PTPN14: variants seen among roughly 807,000 people sequenced by gnomAD.
PTPN14 encodes the protein protein tyrosine phosphatase non-receptor type 14.
In PTPN14, 53 loss-of-function variants were observed where a neutral mutation model predicts 126.8. That is an observed-to-expected ratio of 0.42 (90% confidence interval 0.34 to 0.53). PTPN14 has a LOEUF of 0.53. Among genes scored for constraint, PTPN14 ranks in the 20% least tolerant of loss-of-function variants. PTPN14 has a pLI of 0.08. For synonymous variants in PTPN14, 630 were observed against 599.3 expected (o/e 1.05, Z -0.75); for missense variants, 1,257 against 1,552.9 (o/e 0.81, Z 3.20).
intron 1 of PTPN14, among the ~76,000 whole-genome samples, chr1:214,543,512 G>C (rs1655893019): frequency 6.6e-6 from 1 of 152,090 alleles, no homozygotes; most frequent in Non-Finnish European, 1.5e-5. Context: ...TCATTAACAA[G>C]ATGTAATTTT....
At chr1:214,529,874 T>C (rs1342126222) in intron 1 of PTPN14, 1 of 151,890 alleles carries the variant, frequency 6.6e-6, no homozygotes, top group East Asian at 1.9e-4. Context: ...AAAGAGTGTG[T>C]CTCAAAAAAA....
intron 18 of PTPN14, among the ~76,000 whole-genome samples, chr1:214,360,401 G>T (rs946698541): frequency 1.3e-5 from 2 of 152,156 alleles, no homozygotes; most frequent in Non-Finnish European, 2.9e-5. Flanking sequence ...GAAAAAAAAG[G>T]CATGTGAATC....
chr1:214,512,768 T>C (rs1655009379), intron 1 of PTPN14, among the ~76,000 whole-genome samples: 1 of 152,312 alleles, frequency 6.6e-6, no homozygotes, highest in East Asian at 1.9e-4. Flanking sequence ...CTTGGCTCAC[T>C]GCAACCTCTC....
At chr1:214,473,881 T>C (rs1660813443) in intron 1 of PTPN14, among the ~76,000 whole-genome samples, 1 of 152,226 alleles carries the variant, frequency 6.6e-6, no homozygotes, top group South Asian at 2.1e-4. Context: ...ACCCAAATCA[T>C]ATCCATACAT....
At chr1:214,445,055 C>T in intron 3 of PTPN14, among the ~76,000 whole-genome samples, 1 of 152,172 alleles carries the variant, frequency 6.6e-6, no homozygotes, top group East Asian at 1.9e-4. Context: ...TAAGAATGCT[C>T]CATGCAAGCC....
At chr1:214,428,485 A>G (rs1659719593) in intron 3 of PTPN14, among the ~76,000 whole-genome samples, 1 of 152,256 alleles carries the variant, frequency 6.6e-6, no homozygotes, top group Non-Finnish European at 1.5e-5. Flanking sequence ...ATTTTAAAAG[A>G]GGAAGTATCT....
At chr1:214,394,179 C>T (rs1658823045) in intron 9 of PTPN14, among the ~76,000 whole-genome samples, 1 of 152,190 alleles carries the variant, frequency 6.6e-6, no homozygotes, top group Admixed American at 6.5e-5. Context: ...GGAGGTCAGT[C>T]CCTCAGCTAC....
intron 1 of PTPN14, among the ~76,000 whole-genome samples, chr1:214,475,497 C>T (rs1343374398): frequency 6.6e-6 from 1 of 152,210 alleles, no homozygotes; most frequent in Non-Finnish European, 1.5e-5. Context: ...TGAGCTTTGT[C>T]TAGTCACGCC....
At chr1:214,486,872 C>T (rs1661124782) in intron 1 of PTPN14, among the ~76,000 whole-genome samples, 7 of 151,526 alleles carry the variant, frequency 4.6e-5, no homozygotes. Flanking sequence ...CATGGCATAT[C>T]CCATGCTTTA....
chr1:214,367,639 C>T (rs1658113013), intron 17 of PTPN14, among the ~76,000 whole-genome samples: 1 of 152,144 alleles, frequency 6.6e-6, no homozygotes, highest in African/African-American at 2.4e-5. Flanking sequence ...AGAGCAGGCA[C>T]AAGGCTACAG....
At chr1:214,507,252 T>C (rs1222353678) in intron 1 of PTPN14, among the ~76,000 whole-genome samples, 1 of 152,210 alleles carries the variant, frequency 6.6e-6, no homozygotes, top group Admixed American at 6.5e-5. Flanking sequence ...ATCTCTGGCA[T>C]GTTGCAGGGA....
intron 3 of PTPN14, among the ~76,000 whole-genome samples, chr1:214,438,274 T>C (rs6690146): frequency 0.084 from 12,770 of 152,166 alleles, 1,838 homozygotes; most frequent in African/African-American, 0.29. Flanking sequence ...AAGGCCCGCT[T>C]TATCCTGTCT....
In PTPN14 at chr1:214,357,153, A is replaced by C. The variant is rs1335927688; in HGVS notation, c.*769T>G. 1 of 152,300 alleles carries C rather than the reference A, an allele frequency of 6.6e-6. No homozygotes were observed. The highest frequency in any genetic ancestry group is 2.4e-5 in the African/African-American group (1 of 41,444). The allele number at this position is 152,300 out of a possible 1,614,324, so 9.4% of individuals were successfully genotyped here. A position where few individuals can be genotyped will look rare whatever the true frequency, so the allele number is the denominator to read the frequency against. The stretch of plus-strand genomic sequence containing the variant: ...ACCCAAGGTACAGTCGCCAGCAGGG[A>C]AACACAAGCTCCAGAGCCCAGGATA... On this transcript the variant is annotated 3_prime_UTR_variant, in exon 19 of 19. Coordinates refer to ENST00000366956, the MANE Select transcript of PTPN14 (RefSeq NM_005401.5).
intron 1 of PTPN14, among the ~76,000 whole-genome samples, chr1:214,483,737 T>G (rs1661054295): frequency 6.6e-6 from 1 of 152,194 alleles, no homozygotes; most frequent in African/African-American, 2.4e-5. Flanking sequence ...CTTTCTTACT[T>G]TTTCTTTTTA....
chr1:214,385,815 G>A (rs976894874), intron 12 of PTPN14, among the ~76,000 whole-genome samples: 3 of 152,172 alleles, frequency 2.0e-5, no homozygotes, highest in African/African-American at 7.2e-5. Context: ...GGAACACAGA[G>A]ACAAATGTGC....
chr1:214,452,152 G>A (rs747753162), intron 2 of PTPN14, among the ~76,000 whole-genome samples, 178 bp from the exon 3 acceptor site: 1 of 152,208 alleles, frequency 6.6e-6, no homozygotes, highest in Non-Finnish European at 1.5e-5. Flanking sequence ...ACACACTACT[G>A]TAACATACAT....
intron 3 of PTPN14, among the ~76,000 whole-genome samples, chr1:214,446,024 CA>C (rs1660134878): frequency 6.6e-6 from 1 of 152,086 alleles, no homozygotes; most frequent in African/African-American, 2.4e-5. Flanking sequence ...ATCTGAGAAG[CA>C]AAGCAAAATG....
At chr1:214,392,831 G>A (rs1397795965) in intron 10 of PTPN14, among the ~76,000 whole-genome samples, 8 of 152,142 alleles carry the variant, frequency 5.3e-5, no homozygotes, top group South Asian at 2.1e-4. Flanking sequence ...ATGACCTGGC[G>A]CTCCAGCTAT....
At chr1:214,520,822 C>A (rs1043844166) in intron 1 of PTPN14, among the ~76,000 whole-genome samples, 9 of 152,176 alleles carry the variant, frequency 5.9e-5, no homozygotes, top group Admixed American at 2.6e-4. Flanking sequence ...TGTTTTACTG[C>A]CTGACCTCCT....
Sources: allele counts gnomAD v4.1 joint callset (sites outside exome capture counted in the v4.1 genomes callset), GRCh38; gene constraint gnomAD v4.1.1; transcripts MANE v1.5; gene names NCBI Gene and HGNC (gene_info 2026-07-23, HGNC 2026-07-21).